CDKAL1: variants seen among roughly 807,000 people sequenced by gnomAD.
CDKAL1 encodes CDKAL1 threonylcarbamoyladenosine tRNA methylthiotransferase.
In CDKAL1, 32 loss-of-function variants were observed where a neutral mutation model predicts 68.2. The ratio of observed to expected loss-of-function variants is 0.47; its 90% CI spans 0.35 to 0.63. The LOEUF is 0.63. Ranked by LOEUF, CDKAL1 falls within the 30% of genes least tolerant of loss-of-function variation. CDKAL1 has a pLI of 0.00. For missense variants in CDKAL1, 606 were observed against 696.7 expected (o/e 0.87, Z 1.47); for synonymous variants, 234 against 244.3 (o/e 0.96, Z 0.39).
At chr6:20,994,575 G>A (rs1174794786) in intron 10 of CDKAL1, among the ~76,000 whole-genome samples, 7 of 152,176 alleles carry the variant, frequency 4.6e-5, no homozygotes, top group Non-Finnish European at 1.0e-4. Context: ...TTTATTTAAA[G>A]TGTCTTCATT....
chr6:21,135,586 A>G (rs1036002869), intron 13 of CDKAL1: 1 of 575,592 alleles, frequency 1.7e-6, no homozygotes, highest in Non-Finnish European at 2.2e-6. Flanking sequence ...TCCCCGGTAA[A>G]GGACCATATG....
At chr6:20,728,291 CAAAATAAATATTCA>C (rs963426072) in intron 5 of CDKAL1, among the ~76,000 whole-genome samples, 7 of 151,934 alleles carry the variant, frequency 4.6e-5, no homozygotes, top group African/African-American at 1.5e-4. Flanking sequence ...ACGATAGGCA[CAAAATAAATATTCA>C]TTAATGAATT....
intron 8 of CDKAL1, among the ~76,000 whole-genome samples, chr6:20,826,624 G>A (rs552476612): frequency 2.6e-5 from 4 of 152,046 alleles, no homozygotes; most frequent in South Asian, 2.1e-4. Flanking sequence ...GTTTTGCTGC[G>A]AGATGCATGT....
chr6:20,999,339 G>GA (rs1767296065), intron 10 of CDKAL1, among the ~76,000 whole-genome samples: 2 of 151,570 alleles, frequency 1.3e-5, no homozygotes, highest in African/African-American at 4.8e-5. Context: ...CAGCAGTGGA[G>GA]AAGGGCCACA....
At chr6:20,919,163 A>G (rs555639629) in intron 9 of CDKAL1, among the ~76,000 whole-genome samples, 54 of 152,334 alleles carry the variant, frequency 3.5e-4, no homozygotes, top group African/African-American at 1.2e-3. Flanking sequence ...CTACAGCATC[A>G]TTAGCTCCTA....
At chr6:20,688,426 G>GTT (rs770282412) in intron 5 of CDKAL1, among the ~76,000 whole-genome samples, 14 of 145,516 alleles carry the variant, frequency 9.6e-5, no homozygotes, top group African/African-American at 3.0e-4. Flanking sequence ...GGTTTCTTTC[G>GTT]TTTTTTTTTT....
At chr6:21,057,875 G>T (rs1561995613) in intron 11 of CDKAL1, among the ~76,000 whole-genome samples, 1 of 152,298 alleles carries the variant, frequency 6.6e-6, no homozygotes, top group East Asian at 1.9e-4. Context: ...TGGTCTAAGA[G>T]ACTGTTTGTT....
intron 8 of CDKAL1, among the ~76,000 whole-genome samples, chr6:20,819,594 A>G (rs11961950): frequency 0.012 from 1,831 of 152,292 alleles, 34 homozygotes; most frequent in African/African-American, 0.041. Flanking sequence ...TCCTAAGATG[A>G]CCAAGTATCT....
chr6:20,599,516 C>A, intron 4 of CDKAL1: 1 of 309,202 alleles, frequency 3.2e-6, no homozygotes, highest in African/African-American at 2.2e-5. Context: ...GCAAATATTA[C>A]CACCTGTATT....
At chr6:21,056,220 C>T (rs1203264321) in intron 11 of CDKAL1, among the ~76,000 whole-genome samples, 1 of 151,996 alleles carries the variant, frequency 6.6e-6, no homozygotes, top group Non-Finnish European at 1.5e-5. Flanking sequence ...TTGTAGTTCT[C>T]CTTGAAGAGG....
chr6:20,771,921 A>T (rs144782110), intron 7 of CDKAL1, among the ~76,000 whole-genome samples: 212 of 152,320 alleles, frequency 1.4e-3, no homozygotes, highest in East Asian at 0.012. Context: ...TGAGCCAATT[A>T]AACCTCTTTT....
intron 8 of CDKAL1, among the ~76,000 whole-genome samples, chr6:20,806,688 C>T (rs1260935205): frequency 6.6e-6 from 1 of 152,052 alleles, no homozygotes; most frequent in African/African-American, 2.4e-5. Context: ...GATGGTATCT[C>T]AGACCAGTTG....
chr6:20,616,455 C>T (rs1349934133), intron 4 of CDKAL1, among the ~76,000 whole-genome samples: 1 of 140,168 alleles, frequency 7.1e-6, no homozygotes, highest in African/African-American at 2.7e-5. Flanking sequence ...CTTTTATTTC[C>T]TTGAGCAGTG....
chr6:21,116,221 C>T (rs1311699992), intron 13 of CDKAL1, among the ~76,000 whole-genome samples: 1 of 151,976 alleles, frequency 6.6e-6, no homozygotes, highest in Non-Finnish European at 1.5e-5. Flanking sequence ...TGGGTAGAAT[C>T]GAGGTATTTA....
chr6:21,058,691 G>C (rs537250323), intron 11 of CDKAL1, among the ~76,000 whole-genome samples: 82 of 152,350 alleles, frequency 5.4e-4, no homozygotes, highest in Middle Eastern at 3.4e-3. Flanking sequence ...TTCAGGAGCT[G>C]TTGCAAGGCA....
rs1204565106 is a variant in CDKAL1 at position 20,944,025 on chromosome 6, A to G, written c.743-11394A>G. Among the ~76,000 whole-genome samples, 6 of 152,344 alleles carry G rather than the reference A, an allele frequency of 3.9e-5. No homozygotes were observed. In the South Asian group the frequency reaches 6.2e-4, roughly 16 times the overall value. ...CTGATTTTTGGAGCTCCGTCTCCAT[A>G]GACAGCCCTCTCCTCTATGATATTT... On this transcript the variant is annotated intron_variant, in intron 9 of 15. Transcript: ENST00000274695.
intron 9 of CDKAL1, among the ~76,000 whole-genome samples, chr6:20,933,601 CT>C (rs2150679160): frequency 6.6e-6 from 1 of 152,306 alleles, no homozygotes; most frequent in South Asian, 2.1e-4. Context: ...AGTAATTAAG[CT>C]ACATGTAGAC....
chr6:20,911,366 G>T (rs894850068), intron 9 of CDKAL1, among the ~76,000 whole-genome samples: 13 of 152,188 alleles, frequency 8.5e-5, no homozygotes, highest in Admixed American at 5.2e-4. Context: ...GTATAACATT[G>T]CAAAAGGCTG....
In CDKAL1 at chr6:20,885,707, C is replaced by G. The variant is rs192542002; in HGVS notation, c.742+39529C>G. Among the ~76,000 whole-genome samples the G allele has an allele frequency of 3.9e-5, 6 of 152,232 alleles. No homozygotes were observed. In the East Asian group the frequency reaches 1.2e-3, roughly 29 times the overall value. ...TGTATCAAAGGATATTATCAAGAAA[C>G]TGAAAAGACAATCTACAGACTGGGA... On this transcript the variant is annotated intron_variant, in intron 9 of 15. Coordinates refer to ENST00000274695, the MANE Select transcript of CDKAL1 (RefSeq NM_017774.3).
Sources: allele counts gnomAD v4.1 joint callset (sites outside exome capture counted in the v4.1 genomes callset), GRCh38; gene constraint gnomAD v4.1.1; transcripts MANE v1.5; gene names NCBI Gene and HGNC (gene_info 2026-07-23, HGNC 2026-07-21).